The following PXDNL variants were observed in gnomAD, a reference collection of about 807,000 sequenced individuals.
The protein encoded by PXDNL is peroxidasin like.
PXDNL carries 145 observed loss-of-function variants against 150.8 expected under a neutral mutation model. That is an observed-to-expected ratio of 0.96 (90% CI 0.84 to 1.10). The LOEUF is 1.10. PXDNL is among the 50% of genes least tolerant of loss of function. PXDNL has a pLI of 0.00. For synonymous variants in PXDNL, 757 were observed against 725.7 expected (o/e 1.04, Z -0.69); for missense variants, 2,087 against 1,873.9 (o/e 1.11, Z -2.10).
In PXDNL at chr8:51,472,399, T is replaced by G. The variant is rs72638033; in HGVS notation, c.695-95A>C. 4.9e-3 allele frequency: 4,341 copies of G among 886,678 alleles called. 32 individuals carry two copies. Among genetic ancestry groups the G allele is most frequent in the Non-Finnish European group, 6.2e-3 (3,499 of 565,386 alleles). 54.9% of individuals were successfully genotyped at this position (886,678 alleles called of 1,614,324 possible). ...GAGATATAGGCAATTTAAATTTATT[T>G]CTACATTAAAGTTTTACACATCGAA... On this transcript the variant is annotated intron_variant, in intron 7 of 22. Coordinates refer to ENST00000356297, the MANE Select transcript of PXDNL (RefSeq NM_144651.5).
chr8:51,796,273 G>T (rs779287313), intron 1 of PXDNL, among the ~76,000 whole-genome samples: 6 of 150,498 alleles, frequency 4.0e-5, no homozygotes, highest in Non-Finnish European at 8.9e-5. Flanking sequence ...CAAGATCAGA[G>T]TGGAAATGAA....
At chr8:51,535,527 G>A (rs376191498) in intron 4 of PXDNL, among the ~76,000 whole-genome samples, 2 of 124,548 alleles carry the variant, frequency 1.6e-5, no homozygotes, top group African/African-American at 7.1e-5. Context: ...CAGCATGCTC[G>A]TTAAGAGTCA....
At chr8:51,729,759 G>C (rs893628384) in intron 1 of PXDNL, among the ~76,000 whole-genome samples, 1 of 152,112 alleles carries the variant, frequency 6.6e-6, no homozygotes, top group African/African-American at 2.4e-5. Flanking sequence ...CTTTCATCAG[G>C]TGAATGGATA....
chr8:51,585,237 A>G (rs1813297934), intron 3 of PXDNL, among the ~76,000 whole-genome samples: 1 of 152,158 alleles, frequency 6.6e-6, no homozygotes, highest in South Asian at 2.1e-4. Flanking sequence ...GGAAATATTG[A>G]GTTAGAAATT....
At chr8:51,463,203 G>C (rs531220782) in intron 8 of PXDNL, among the ~76,000 whole-genome samples, 1 of 152,134 alleles carries the variant, frequency 6.6e-6, no homozygotes, top group East Asian at 1.9e-4. Flanking sequence ...CCCATAGATA[G>C]ACCCTATAAA....
At chr8:51,537,484 C>T (rs938256096) in intron 4 of PXDNL, among the ~76,000 whole-genome samples, 1 of 152,192 alleles carries the variant, frequency 6.6e-6, no homozygotes, top group Non-Finnish European at 1.5e-5. Context: ...ATTTTAAAAA[C>T]TGCACTGCTT....
At chr8:51,610,075 GTA>G (rs946786219) in intron 2 of PXDNL, among the ~76,000 whole-genome samples, 3 of 152,044 alleles carry the variant, frequency 2.0e-5, no homozygotes, top group African/African-American at 7.2e-5. Context: ...CCAGGAATAG[GTA>G]TAATAATTCA....
intron 11 of PXDNL, among the ~76,000 whole-genome samples, chr8:51,447,843 C>A (rs76654083): frequency 6.6e-6 from 1 of 152,214 alleles, no homozygotes. Context: ...GTGCCATCAA[C>A]TATTCTAAAT....
In PXDNL at chr8:51,483,642, C is replaced by T. The variant is rs1810655171; in HGVS notation, c.524+1G>A. 1.0e-5 allele frequency: 15 copies of T among 1,505,422 alleles called. No individual in the cohort carries two copies. In the East Asian group the frequency reaches 3.7e-4, roughly 37 times the overall value. The allele number at this position is 1,505,422 out of a possible 1,614,324, so 93.3% of individuals were successfully genotyped here. On this transcript the variant is annotated splice_donor_variant, in intron 6 of 22. Transcript: ENST00000356297. LOFTEE classifies it high-confidence loss of function. Reference sequence around the variant, plus strand: ...GTGTTAATGCACTTGCTTTCACTTACAATCTTTTTAATGAATCCAGATTAG... The same window carrying T: ...GTGTTAATGCACTTGCTTTCACTTATAATCTTTTTAATGAATCCAGATTAG...
intron 1 of PXDNL, among the ~76,000 whole-genome samples, chr8:51,792,511 C>G (rs1280535757): frequency 6.6e-6 from 1 of 152,224 alleles, no homozygotes; most frequent in East Asian, 1.9e-4. Context: ...CTGGAGACTG[C>G]CTAAAACTAC....
chr8:51,403,852 A>G (rs764604576), intron 17 of PXDNL, among the ~76,000 whole-genome samples: 2 of 152,196 alleles, frequency 1.3e-5, no homozygotes, highest in African/African-American at 4.8e-5. Context: ...ACTGACTTCA[A>G]GAATGAACTT....
chr8:51,380,271 A>C (rs912954168), intron 17 of PXDNL, among the ~76,000 whole-genome samples: 4 of 152,222 alleles, frequency 2.6e-5, no homozygotes, highest in Non-Finnish European at 5.9e-5. Context: ...AGGGTTGCTA[A>C]CTGGAACATC....
Position 51,527,353 on chromosome 8 carries a change from T to G in PXDNL, c.381-27583A>C, listed in dbSNP as rs1390015098. Among the ~76,000 whole-genome samples the G allele has an allele frequency of 2.6e-5, 4 of 152,202 alleles. No homozygotes were observed. The East Asian group carries it at 7.7e-4, about 29-fold the overall frequency. ...CTCCCTGCCACCTCATATTTCCATT[T>G]GCTTGATAGGCTCATTTTACCTGCC... On this transcript the variant is annotated intron_variant, in intron 4 of 22. Coordinates refer to ENST00000356297, the MANE Select transcript of PXDNL (RefSeq NM_144651.5).
chr8:51,426,187 T>C (rs1809094486), intron 13 of PXDNL, among the ~76,000 whole-genome samples: 1 of 152,194 alleles, frequency 6.6e-6, no homozygotes, highest in African/African-American at 2.4e-5. Context: ...TAAGGAGCTA[T>C]TGTTTTTTTA....
At chr8:51,792,175 C>T (rs1215005148) in intron 1 of PXDNL, among the ~76,000 whole-genome samples, 2 of 152,014 alleles carry the variant, frequency 1.3e-5, no homozygotes, top group South Asian at 2.1e-4. Context: ...CGGTCAGAGG[C>T]GCCCACTGAG....
At chr8:51,489,381 T>A (rs972935721) in intron 5 of PXDNL, among the ~76,000 whole-genome samples, 1 of 152,208 alleles carries the variant, frequency 6.6e-6, no homozygotes, top group Non-Finnish European at 1.5e-5. Flanking sequence ...AGTGGCCCAA[T>A]CATGGTTCAT....
At chr8:51,652,433 T>C (rs938893243) in intron 2 of PXDNL, among the ~76,000 whole-genome samples, 1 of 143,976 alleles carries the variant, frequency 6.9e-6, no homozygotes, top group African/African-American at 2.8e-5. Context: ...TCTCTCTCTC[T>C]CTCTCTCACA....
rs114717753 is a variant in PXDNL, at chr8:51,353,657, A to C, written c.3902-7710T>G. Among the ~76,000 whole-genome samples, 537 of 152,276 alleles carry C rather than the reference A, an allele frequency of 3.5e-3. 2 individuals carry two copies. Among genetic ancestry groups the C allele is most frequent in the African/African-American group, 0.012 (508 of 41,568 alleles). ...TAATCAATATTTGAGAATCTTTATG[A>C]ATATTTGAAGATAAAGTTAATTTTA... is the stretch of plus-strand genomic sequence containing the variant. On this transcript the variant is annotated intron_variant, in intron 19 of 22. Coordinates refer to ENST00000356297, the MANE Select transcript of PXDNL (RefSeq NM_144651.5).
At chr8:51,731,368 G>C (rs1031584865) in intron 1 of PXDNL, among the ~76,000 whole-genome samples, 5 of 152,186 alleles carry the variant, frequency 3.3e-5, no homozygotes, top group Non-Finnish European at 5.9e-5. Flanking sequence ...CTCACATCCA[G>C]GTCACACTGA....
Sources: gnomAD v4.1 joint callset for allele counts (sites outside exome capture counted in the v4.1 genomes callset) on GRCh38, gnomAD v4.1.1 for gene constraint, MANE v1.5 for transcripts, NCBI Gene and HGNC (gene_info 2026-07-23, HGNC 2026-07-21) for gene names.